The following STXBP5 variants were observed in gnomAD, a reference collection of about 807,000 sequenced individuals.
The protein encoded by STXBP5 is syntaxin-binding protein 5.
In STXBP5, 50 loss-of-function variants were observed where a neutral mutation model predicts 152.4. That is an observed-to-expected ratio of 0.33 (90% CI 0.26 to 0.42). STXBP5 has a LOEUF of 0.42. Among genes scored for constraint, STXBP5 ranks in the 10% least tolerant of loss-of-function variants. The pLI, the probability that STXBP5 is intolerant of heterozygous loss-of-function variation, is 1.00. For synonymous variants in STXBP5, 492 were observed against 494.7 expected (o/e 0.99, Z 0.07); for missense variants, 1,167 against 1,388.6 (o/e 0.84, Z 2.54).
chr6:147,297,755 T>A (rs1781600149), intron 9 of STXBP5, among the ~76,000 whole-genome samples: 1 of 152,092 alleles, frequency 6.6e-6, no homozygotes, highest in South Asian at 2.1e-4. Context: ...AGAATATTTT[T>A]ATGCAGCTAA....
In STXBP5 at chr6:147,386,475, A is replaced by G. The variant is rs1786344472; in HGVS notation, c.*1720A>G. Reference sequence around the variant, plus strand: ...CTACTAGATGCAAAAGTTTACATCAAAGTTTACTTTAAATATCATTTGGTA... The same window carrying G: ...CTACTAGATGCAAAAGTTTACATCAGAGTTTACTTTAAATATCATTTGGTA... On this transcript the variant is annotated 3_prime_UTR_variant, in exon 28 of 28. Coordinates refer to ENST00000321680, the MANE Select transcript of STXBP5 (RefSeq NM_001127715.4). The G allele has an allele frequency of 6.6e-6, 1 of 151,818 alleles. No individual in the cohort carries two copies. The highest frequency in any genetic ancestry group is 2.4e-5 in the African/African-American group (1 of 41,412). 9.4% of individuals were successfully genotyped at this position (151,818 alleles called of 1,614,324 possible). A position where few individuals can be genotyped will look rare whatever the true frequency, so the allele number is the denominator to read the frequency against.
chr6:147,375,935 A>G (rs1785789790), intron 26 of STXBP5, among the ~76,000 whole-genome samples: 1 of 152,124 alleles, frequency 6.6e-6, no homozygotes, highest in African/African-American at 2.4e-5. Flanking sequence ...TATACGCAAA[A>G]ATTCTTTAAG....
chr6:147,378,349 A>G (rs1443720954), intron 26 of STXBP5, among the ~76,000 whole-genome samples: 1 of 151,856 alleles, frequency 6.6e-6, no homozygotes, highest in African/African-American at 2.4e-5. Context: ...AATATGTAAT[A>G]AAGATAATAT....
intron 7 of STXBP5, among the ~76,000 whole-genome samples, chr6:147,274,248 G>GCATT (rs539546376): frequency 4.9e-4 from 74 of 152,132 alleles, no homozygotes; most frequent in Admixed American, 9.8e-4. Flanking sequence ...CTTGGATTAT[G>GCATT]CATTCATTCA....
chr6:147,295,150 A>G (rs1314606039), intron 9 of STXBP5, among the ~76,000 whole-genome samples: 2 of 152,188 alleles, frequency 1.3e-5, no homozygotes, highest in Non-Finnish European at 1.5e-5. Flanking sequence ...TGATAACTCT[A>G]GTTTCTTTTC....
chr6:147,356,303 A>G (rs966208878), intron 22 of STXBP5, among the ~76,000 whole-genome samples: 2 of 151,932 alleles, frequency 1.3e-5, no homozygotes, highest in Non-Finnish European at 2.9e-5. Context: ...TACTTTTTTC[A>G]TATCATTGTT....
chr6:147,311,864 C>A (rs117453595), intron 11 of STXBP5, among the ~76,000 whole-genome samples: 5,370 of 152,244 alleles, frequency 0.035, 146 homozygotes, highest in Admixed American at 0.053. Flanking sequence ...TTTAGGCTTT[C>A]TACGTCTACT....
chr6:147,290,839 C>G (rs1257230468), intron 8 of STXBP5, among the ~76,000 whole-genome samples: 1 of 152,162 alleles, frequency 6.6e-6, no homozygotes, highest in Admixed American at 6.5e-5. Flanking sequence ...TCAGTTTCTC[C>G]TGCTAGAATT....
In STXBP5 at chr6:147,379,475, A is replaced by C. The variant is rs962423459; in HGVS notation, c.3194-3303A>C. On this transcript the variant is annotated intron_variant, in intron 26 of 27. Transcript: ENST00000321680. Reference sequence around the variant, plus strand: ...AACATGGTATAGAAGATTCAATAAAAGATACCAGTTCTCTCAAAACTGATG... The same window carrying C: ...AACATGGTATAGAAGATTCAATAAACGATACCAGTTCTCTCAAAACTGATG... Among the ~76,000 whole-genome samples, 6 of 152,306 alleles carry C rather than the reference A, an allele frequency of 3.9e-5. No individual in the cohort carries two copies. The Middle Eastern group carries it at 0.01, about 261-fold the overall frequency.
At chr6:147,329,875 C>G (rs1334653635) in intron 18 of STXBP5, among the ~76,000 whole-genome samples, 1 of 152,036 alleles carries the variant, frequency 6.6e-6, no homozygotes, top group Non-Finnish European at 1.5e-5. Flanking sequence ...GATCCGCCCG[C>G]CTCGGCCTCC....
At position 147,378,409 on chromosome 6, in the gene STXBP5, TAA is replaced by T. The variant is rs34601059; in HGVS notation, c.3194-4351_3194-4350del. Reference sequence around the variant, plus strand: ...CAGGAATTCAAAGTTGATTTATCATTAAAAAAAAAAAAAAAAAAATTCTTATC... The same window carrying T: ...CAGGAATTCAAAGTTGATTTATCATTAAAAAAAAAAAAAAAAATTCTTATC... On this transcript the variant is annotated intron_variant, in intron 26 of 27. Coordinates refer to ENST00000321680, the MANE Select transcript of STXBP5 (RefSeq NM_001127715.4). 5.5e-3 allele frequency among the ~76,000 whole-genome samples: 748 copies of T among 136,024 alleles called. 11 individuals are homozygous for T. The highest frequency in any genetic ancestry group is 0.013 in the African/African-American group (484 of 36,698). The allele number at this position is 136,024 out of a possible 152,430, so 89.2% of individuals were successfully genotyped here. A position where few individuals can be genotyped will look rare whatever the true frequency, so the allele number is the denominator to read the frequency against.
chr6:147,300,594 A>G (rs1016578342), intron 9 of STXBP5, among the ~76,000 whole-genome samples: 1 of 152,212 alleles, frequency 6.6e-6, no homozygotes, highest in South Asian at 2.1e-4. Flanking sequence ...CTGGGAAAAT[A>G]GGATATCCAC....
intron 21 of STXBP5, among the ~76,000 whole-genome samples, chr6:147,342,150 G>GT (rs1562257682): frequency 6.6e-6 from 1 of 151,864 alleles, no homozygotes; most frequent in Non-Finnish European, 1.5e-5. Context: ...TTATGGCCCT[G>GT]TTCTATCTAC....
chr6:147,322,825 T>G (rs1357493880), intron 16 of STXBP5, among the ~76,000 whole-genome samples: 1 of 152,222 alleles, frequency 6.6e-6, no homozygotes, highest in Non-Finnish European at 1.5e-5. Flanking sequence ...CACTTGAAGT[T>G]TTCTGGTACA....
At chr6:147,360,092 A>G (rs948148355) in intron 23 of STXBP5, among the ~76,000 whole-genome samples, 14 of 152,234 alleles carry the variant, frequency 9.2e-5, no homozygotes, top group East Asian at 1.9e-4. Context: ...CAAAACCACA[A>G]TGAGATATCA....
chr6:147,318,245 G>T (rs924811698), intron 16 of STXBP5, among the ~76,000 whole-genome samples: 4 of 152,160 alleles, frequency 2.6e-5, no homozygotes, highest in Non-Finnish European at 5.9e-5. Flanking sequence ...GTACTGTTTG[G>T]ACCAGAGTGA....
intron 2 of STXBP5, among the ~76,000 whole-genome samples, chr6:147,220,607 T>C (rs1240868407): frequency 6.6e-6 from 1 of 152,182 alleles, no homozygotes; most frequent in Non-Finnish European, 1.5e-5. Flanking sequence ...GAGAATTGAC[T>C]CTTTTTTCAT....
chr6:147,231,543 A>G (rs939663937), intron 2 of STXBP5, among the ~76,000 whole-genome samples: 6 of 151,910 alleles, frequency 3.9e-5, no homozygotes, highest in Non-Finnish European at 7.4e-5. Context: ...TATCTTCAAA[A>G]GAATACATTG....
intron 9 of STXBP5, among the ~76,000 whole-genome samples, chr6:147,307,768 G>A (rs1174733871): frequency 6.6e-6 from 1 of 152,148 alleles, no homozygotes; most frequent in Non-Finnish European, 1.5e-5. Context: ...AGGTCAGTTG[G>A]CATTTCTTTC....
Sources: allele counts gnomAD v4.1 joint callset (sites outside exome capture counted in the v4.1 genomes callset), GRCh38; gene constraint gnomAD v4.1.1; transcripts MANE v1.5; gene names NCBI Gene and HGNC (gene_info 2026-07-23, HGNC 2026-07-21).